FRAS1: variants seen among roughly 807,000 people sequenced by gnomAD.
FRAS1 encodes the protein extracellular matrix organizing protein FRAS1.
A neutral mutation model predicts 435.2 loss-of-function variants in FRAS1; 290 were observed. That is an observed-to-expected ratio of 0.67 (90% CI 0.61 to 0.73). The LOEUF (loss-of-function observed/expected upper bound fraction) is 0.73. Among genes scored for constraint, FRAS1 ranks in the 30% least tolerant of loss-of-function variants. The probability of loss-of-function intolerance (pLI) is 0.00; values close to 1 mark genes in which losing one functional copy is unlikely to be tolerated. For synonymous variants in FRAS1, 1,800 were observed against 1,851.0 expected (o/e 0.97, Z 0.71); for missense variants, 4,860 against 5,001.5 (o/e 0.97, Z 0.85).
At chr4:78,333,561 A>G in intron 19 of FRAS1, 149 bp downstream of exon 19, 1 of 771,758 alleles carries the variant, frequency 1.3e-6, no homozygotes, top group South Asian at 1.9e-5. Flanking sequence ...CAAAGTATAG[A>G]GGGAGGGGAA....
At chr4:78,493,646 G>T (rs908132283) in intron 59 of FRAS1, among the ~76,000 whole-genome samples, 1 of 152,040 alleles carries the variant, frequency 6.6e-6, no homozygotes, top group African/African-American at 2.4e-5. Context: ...CACACACCGG[G>T]GCCTGTCTGG....
chr4:78,127,063 A>G (rs1340928777), intron 2 of FRAS1, among the ~76,000 whole-genome samples: 2 of 152,186 alleles, frequency 1.3e-5, no homozygotes, highest in East Asian at 3.9e-4. Flanking sequence ...AGTCTAGTGA[A>G]CCAGACATAT....
intron 14 of FRAS1, among the ~76,000 whole-genome samples, chr4:78,306,338 G>C (rs12644010): frequency 1.4e-4 from 21 of 149,340 alleles, no homozygotes; most frequent in Admixed American, 6.7e-4. Flanking sequence ...ACAATTATGC[G>C]TCTTGGAGTT....
chr4:78,364,068 A>G lies in FRAS1; in HGVS notation c.2722+14A>G, dbSNP rs778985446. 7.0e-6 allele frequency: 11 copies of G among 1,566,990 alleles called. No homozygotes were observed. The highest frequency in any genetic ancestry group is 8.7e-6 in the Non-Finnish European group (10 of 1,155,102). ...ATGTTTGCCAGCGTAGGTTTTTCCA[A>G]TGAACCTTCTCTCCTTTCCTTCTTT... On this transcript the variant is annotated intron_variant, in intron 22 of 73. Transcript: ENST00000512123.
intron 61 of FRAS1, among the ~76,000 whole-genome samples, chr4:78,503,417 C>T (rs1411028733): frequency 6.6e-6 from 1 of 152,148 alleles, no homozygotes; most frequent in African/African-American, 2.4e-5. Context: ...TTCAGAGATT[C>T]AACTTCTTCC....
At chr4:78,114,483 G>C (rs1480230194) in intron 2 of FRAS1, among the ~76,000 whole-genome samples, 2 of 151,930 alleles carry the variant, frequency 1.3e-5, no homozygotes, top group Admixed American at 1.3e-4. Context: ...TCTTCCATTT[G>C]TTTGTATCCT....
rs1475175993 is a variant in FRAS1 at position 78,515,878 on chromosome 4, C to G, written c.10254C>G (p.Pro3418=). ...PGYDRPFQFD[P]SVREPKTIQL... ...ACGATCGCCCCTTCCAGTTTGACCC[C>G]AGCGTGCGAGAGCCGAAGACCATCC... The change falls in exon 66 of 74, where the codon CCC becomes CCG. Residue 3418 remains proline, a synonymous_variant. Coordinates refer to ENST00000512123, the MANE Select transcript of FRAS1 (RefSeq NM_025074.7). 3.7e-6 allele frequency: 6 copies of G among 1,613,912 alleles called. No homozygotes were observed. Among genetic ancestry groups the G allele is most frequent in the Non-Finnish European group, 3.4e-6 (4 of 1,179,912 alleles).
intron 29 of FRAS1, among the ~76,000 whole-genome samples, chr4:78,393,278 G>A (rs961385606): frequency 6.6e-6 from 1 of 152,044 alleles, no homozygotes; most frequent in South Asian, 2.1e-4. Context: ...TGTATTGATA[G>A]TCATAGGCAC....
chr4:78,115,943 T>C (rs1303184208), intron 2 of FRAS1, among the ~76,000 whole-genome samples: 2 of 152,252 alleles, frequency 1.3e-5, no homozygotes, highest in African/African-American at 2.4e-5. Context: ...TTTAGATCTT[T>C]CCTGCTTTCT....
chr4:78,507,397 C>G, intron 61 of FRAS1, 24 bp from the exon 62 acceptor site: 3 of 1,594,128 alleles, frequency 1.9e-6, no homozygotes, highest in South Asian at 1.2e-5. Context: ...CCTTTGCTCT[C>G]TTTTTGTTCT....
intron 2 of FRAS1, among the ~76,000 whole-genome samples, chr4:78,156,953 C>T (rs941690346): frequency 1.3e-5 from 2 of 152,164 alleles, no homozygotes; most frequent in Admixed American, 6.6e-5. Flanking sequence ...ACTCCTGCGC[C>T]CAGCTTCTGA....
chr4:78,354,965 T>A (rs755555689), intron 20 of FRAS1, among the ~76,000 whole-genome samples: 1 of 152,226 alleles, frequency 6.6e-6, no homozygotes, highest in Non-Finnish European at 1.5e-5. Flanking sequence ...GCAGAGCCTT[T>A]GTGATTTGAA....
At chr4:78,068,439 G>A in intron 2 of FRAS1, 2 of 446,598 alleles carry the variant, frequency 4.5e-6, no homozygotes, top group Non-Finnish European at 9.0e-6. Context: ...TCTGAAGCAA[G>A]AGCTCCTATG....
intron 70 of FRAS1, among the ~76,000 whole-genome samples, chr4:78,530,152 T>C (rs1203052796): frequency 1.3e-5 from 2 of 152,124 alleles, no homozygotes; most frequent in Non-Finnish European, 2.9e-5. Context: ...AAGAAAATTC[T>C]TATATATATC....
chr4:78,122,365 C>G (rs891227332), intron 2 of FRAS1, among the ~76,000 whole-genome samples: 2 of 152,198 alleles, frequency 1.3e-5, no homozygotes, highest in African/African-American at 2.4e-5. Flanking sequence ...TTTTCTCAAT[C>G]TAGTCTATCA....
rs927878702 is a variant in FRAS1, at chr4:78,247,999, C to T, written c.309+2674C>T. The stretch of plus-strand genomic sequence containing the variant: ...GAAGGACTGGCTGAGCTAAGGGCTG[C>T]GTGAGAAGACTACCCCTTAATAAAA... On this transcript the variant is annotated intron_variant, in intron 4 of 73. Transcript: ENST00000512123. 3.9e-5 allele frequency among the ~76,000 whole-genome samples: 6 copies of T among 152,126 alleles called. No individual in the cohort carries two copies. In the South Asian group the frequency reaches 1.0e-3, roughly 26 times the overall value.
chr4:78,411,948 A>G (rs1733355536), intron 31 of FRAS1, among the ~76,000 whole-genome samples: 1 of 152,112 alleles, frequency 6.6e-6, no homozygotes, highest in Non-Finnish European at 1.5e-5. Flanking sequence ...CCTCACCTGT[A>G]AAAAAGGGGA....
chr4:78,076,279 T>C (rs1740635505), intron 2 of FRAS1, among the ~76,000 whole-genome samples: 1 of 152,162 alleles, frequency 6.6e-6, no homozygotes, highest in African/African-American at 2.4e-5. Flanking sequence ...TCATGTGGCA[T>C]TATATCAAGT....
chr4:78,239,723 A>C (rs750492455), intron 3 of FRAS1, among the ~76,000 whole-genome samples: 1 of 152,214 alleles, frequency 6.6e-6, no homozygotes, highest in Non-Finnish European at 1.5e-5. Flanking sequence ...CTGAGAGAAC[A>C]ATTTCAGAGG....
Sources: gnomAD v4.1 joint callset for allele counts (sites outside exome capture counted in the v4.1 genomes callset) on GRCh38, gnomAD v4.1.1 for gene constraint, MANE v1.5 for transcripts, NCBI Gene and HGNC (gene_info 2026-07-23, HGNC 2026-07-21) for gene names.